Variants in DHRS9 observed in about 807,000 individuals in gnomAD.
DHRS9 encodes dehydrogenase/reductase 9.
A neutral mutation model predicts 26.6 loss-of-function variants in DHRS9; 18 were observed. The observed-to-expected ratio is 0.68, with a 90% CI of 0.47 to 1.00. The LOEUF is 1.00. Among genes scored for constraint, DHRS9 ranks in the 50% least tolerant of loss-of-function variants. The pLI is 0.00. For missense variants in DHRS9, 425 were observed against 378.7 expected (o/e 1.12, Z -1.01); for synonymous variants, 134 against 141.1 (o/e 0.95, Z 0.36).
chr2:169,079,866 A>T (rs1574025839), intron 1 of DHRS9, among the ~76,000 whole-genome samples: 1 of 77,854 alleles, frequency 1.3e-5, no homozygotes, highest in South Asian at 4.2e-4. Context: ...CATCTGAAAG[A>T]AAGAAAGAAA....
chr2:169,084,587 T>C (rs1324688170), intron 3 of DHRS9, among the ~76,000 whole-genome samples: 2 of 152,220 alleles, frequency 1.3e-5, no homozygotes, highest in Non-Finnish European at 2.9e-5. Context: ...TTTCTGATGA[T>C]CAATGATGTT....
chr2:169,081,931 T>C lies in DHRS9; in HGVS notation c.313+37T>C, dbSNP rs200267293. The C allele has an allele frequency of 4.9e-5, 76 of 1,536,232 alleles. No homozygotes were observed. In the African/African-American group the frequency reaches 9.6e-4, roughly 19 times the overall value. On this transcript the variant is annotated intron_variant, in intron 2 of 4. Transcript: ENST00000674881. ...GGAAGTGGGTAGGATGGGACAGGGA[T>C]AGGGGATAGGGAGGTAACCAAAGCT...
intron 3 of DHRS9, among the ~76,000 whole-genome samples, chr2:169,088,868 A>T (rs568227693): frequency 3.9e-5 from 6 of 152,344 alleles, no homozygotes; most frequent in African/African-American, 1.4e-4. Context: ...TTGCAGACAC[A>T]ACAGTACCAC....
intron 3 of DHRS9, among the ~76,000 whole-genome samples, chr2:169,087,496 G>A (rs1431068743): frequency 6.6e-6 from 1 of 152,118 alleles, no homozygotes; most frequent in East Asian, 1.9e-4. Context: ...AACCAAGCTG[G>A]CACCTAAGCT....
At chr2:169,084,603 C>T (rs141751374) in intron 3 of DHRS9, among the ~76,000 whole-genome samples, 1 of 152,172 alleles carries the variant, frequency 6.6e-6, no homozygotes, top group East Asian at 1.9e-4. Flanking sequence ...ATGTTGAGCA[C>T]CTTTCATATA....
chr2:169,087,474 C>T (rs1270501075), intron 3 of DHRS9, among the ~76,000 whole-genome samples: 1 of 152,128 alleles, frequency 6.6e-6, no homozygotes. Context: ...GTGCTCTACC[C>T]CACTGTAGTC....
At chr2:169,081,106 T>C (rs1358688217) in intron 1 of DHRS9, 2 of 988,270 alleles carry the variant, frequency 2.0e-6, no homozygotes, top group Non-Finnish European at 2.4e-6. Context: ...TTGTTTCTAA[T>C]AGATTTTAAG....
At chr2:169,083,914 A>G (rs1278744984) in intron 3 of DHRS9, among the ~76,000 whole-genome samples, 1 of 152,156 alleles carries the variant, frequency 6.6e-6, no homozygotes, top group African/African-American at 2.4e-5. Context: ...CTGTTGTGCT[A>G]TCAAATACTA....
intron 3 of DHRS9, among the ~76,000 whole-genome samples, chr2:169,087,137 T>C (rs1684377435): frequency 6.6e-6 from 1 of 152,170 alleles, no homozygotes; most frequent in Admixed American, 6.5e-5. Context: ...AGTCAGAAAC[T>C]TTAGGAATCT....
chr2:169,079,466 G>GT (rs1285703772), intron 1 of DHRS9, among the ~76,000 whole-genome samples: 4 of 151,854 alleles, frequency 2.6e-5, no homozygotes, highest in East Asian at 3.9e-4. Flanking sequence ...TTTTTTCTAT[G>GT]TTTTTTCTTG....
intron 3 of DHRS9, among the ~76,000 whole-genome samples, chr2:169,089,642 T>G (rs941946990): frequency 1.3e-5 from 2 of 152,232 alleles, no homozygotes; most frequent in East Asian, 3.8e-4. Context: ...AAGGTTAAAA[T>G]TACTCCACTG....
intron 3 of DHRS9, among the ~76,000 whole-genome samples, chr2:169,084,094 G>A (rs974718059): frequency 5.9e-5 from 9 of 152,052 alleles, no homozygotes; most frequent in Non-Finnish European, 1.2e-4. Flanking sequence ...TGGGAACTTC[G>A]TTTTTCTGTG....
intron 1 of DHRS9, chr2:169,070,357 G>T (rs903714892): frequency 1.0e-6 from 1 of 985,290 alleles, no homozygotes. Flanking sequence ...TTTTTCAAAT[G>T]ATGATATGGC....
chr2:169,089,980 A>G (rs1046195650), intron 3 of DHRS9, among the ~76,000 whole-genome samples: 2 of 152,208 alleles, frequency 1.3e-5, no homozygotes, highest in Non-Finnish European at 2.9e-5. Context: ...ATAAAATTGT[A>G]GTATATGTAA....
At chr2:169,083,149 T>C (rs1456987254) in intron 2 of DHRS9, among the ~76,000 whole-genome samples, 180 bp from the exon 3 acceptor site, 2 of 152,176 alleles carry the variant, frequency 1.3e-5, no homozygotes, top group Non-Finnish European at 2.9e-5. Context: ...ACTTGAACTA[T>C]TTCAGTTTAG....
intron 1 of DHRS9, 47 bp downstream of exon 1, chr2:169,069,764 A>G (rs1440960320): frequency 4.1e-6 from 4 of 984,938 alleles, no homozygotes; most frequent in East Asian, 1.1e-4. Context: ...TATCAAGTCA[A>G]TCTAAACTTT....
chr2:169,092,692 A>C (rs975365701), intron 4 of DHRS9, among the ~76,000 whole-genome samples: 2 of 152,188 alleles, frequency 1.3e-5, no homozygotes, highest in African/African-American at 4.8e-5. Context: ...GCAGGAACAC[A>C]TGGAGGAGAA....
chr2:169,079,343 C>A (rs1336041571), intron 1 of DHRS9, among the ~76,000 whole-genome samples: 1 of 151,720 alleles, frequency 6.6e-6, no homozygotes, highest in Non-Finnish European at 1.5e-5. Context: ...GTTTAAAATT[C>A]TGTGTGTATG....
At chr2:169,079,307 A>AGT (rs145149348) in intron 1 of DHRS9, among the ~76,000 whole-genome samples, 30 of 152,040 alleles carry the variant, frequency 2.0e-4, no homozygotes, top group African/African-American at 6.3e-4. Flanking sequence ...CAGTAAAAAT[A>AGT]GTGTGTGTGT....
Sources: gnomAD v4.1 joint callset for allele counts (sites outside exome capture counted in the v4.1 genomes callset) on GRCh38, gnomAD v4.1.1 for gene constraint, MANE v1.5 for transcripts, NCBI Gene and HGNC (gene_info 2026-07-23, HGNC 2026-07-21) for gene names.